ULK4: variants seen among roughly 807,000 people sequenced by gnomAD.
ULK4 encodes the protein unc-51 like kinase 4, also known as inactive serine/threonine-protein kinase ULK4.
A neutral mutation model predicts 160.6 loss-of-function variants in ULK4; 133 were observed. The observed-to-expected ratio is 0.83, with a 90% CI of 0.72 to 0.96. The LOEUF (loss-of-function observed/expected upper bound fraction) is 0.96. ULK4 is among the 40% of genes least tolerant of loss of function. The pLI, the probability that ULK4 is intolerant of heterozygous loss-of-function variation, is 0.00. For missense variants in ULK4, 1,580 were observed against 1,499.5 expected, an observed-to-expected ratio of 1.05 and a Z score of -0.89; for synonymous variants, 534 against 539.8, an observed-to-expected ratio of 0.99 and a Z score of 0.15.
At chr3:41,942,821 A>C (rs1297947335) in intron 2 of ULK4, among the ~76,000 whole-genome samples, 1 of 135,558 alleles carries the variant, frequency 7.4e-6, no homozygotes, top group Non-Finnish European at 1.6e-5. Context: ...CATCTCAAAA[A>C]ATAAATTAAT....
chr3:41,926,866 G>A (rs1423745908), intron 5 of ULK4, among the ~76,000 whole-genome samples: 2 of 152,152 alleles, frequency 1.3e-5, no homozygotes, highest in African/African-American at 2.4e-5. Context: ...CCAAATCTAC[G>A]TTTGATTGAT....
chr3:41,629,127 C>T (rs2033647525), intron 30 of ULK4, among the ~76,000 whole-genome samples: 1 of 152,136 alleles, frequency 6.6e-6, no homozygotes. Flanking sequence ...AAGCAATAAC[C>T]ATTTTATGAA....
At position 41,691,865 on chromosome 3, in the gene ULK4, A is replaced by G. The variant is rs1420278247; in HGVS notation, c.2782-10061T>C. On this transcript the variant is annotated intron_variant, in intron 27 of 36. Coordinates refer to ENST00000301831, the MANE Select transcript of ULK4 (RefSeq NM_017886.4). The stretch of plus-strand genomic sequence containing the variant: ...CTTTAATGACAACCCAACACCAAAC[A>G]GCAACAATGCAGCAAGACAATAAAG... Among the ~76,000 whole-genome samples, 8 of 150,840 alleles carry G rather than the reference A, an allele frequency of 5.3e-5. 1 individual carries two copies. The highest frequency in any genetic ancestry group is 5.3e-4 in the Admixed American group (8 of 15,112).
rs1351013259 is a variant in ULK4, at chr3:41,249,444, G to A, written c.3764+45C>T. On this transcript the variant is annotated intron_variant, in intron 36 of 36. Coordinates refer to ENST00000301831, the MANE Select transcript of ULK4 (RefSeq NM_017886.4). ...TGGAGAAAGGAATGGCTGAGAGTGT[G>A]TGCTGATCTAGAGCAGACTGCTGAT... 3.2e-6 allele frequency: 5 copies of A among 1,561,240 alleles called. No homozygotes were observed. In the South Asian group the frequency reaches 3.5e-5, roughly 11 times the overall value.
chr3:41,332,169 T>C (rs67278599), intron 35 of ULK4, among the ~76,000 whole-genome samples: 36,667 of 151,106 alleles, frequency 0.24, 4,658 homozygotes, highest in African/African-American at 0.3. Flanking sequence ...CAGGATAGGG[T>C]TGATTGCTCT....
In ULK4 at chr3:41,943,629, T is replaced by C. The variant is rs148735234; in HGVS notation, c.139-5432A>G. 9.0e-4 allele frequency among the ~76,000 whole-genome samples: 137 copies of C among 152,294 alleles called. 1 individual carries two copies. Among genetic ancestry groups the C allele is most frequent in the African/African-American group, 3.1e-3 (130 of 41,564 alleles). ...CTCTTTCCTCTCCTCTCCTACCTCC[T>C]AACTGATGACTTTGCTTATTTCAGG... is the stretch of plus-strand genomic sequence containing the variant. On this transcript the variant is annotated intron_variant, in intron 2 of 36. Coordinates refer to ENST00000301831, the MANE Select transcript of ULK4 (RefSeq NM_017886.4).
At chr3:41,604,017 T>C (rs1407191213) in intron 31 of ULK4, among the ~76,000 whole-genome samples, 1 of 152,104 alleles carries the variant, frequency 6.6e-6, no homozygotes, top group Non-Finnish European at 1.5e-5. Context: ...AACAGCCATT[T>C]ATTCCCATGG....
At chr3:41,641,062 A>C (rs897922422) in intron 30 of ULK4, among the ~76,000 whole-genome samples, 5 of 152,162 alleles carry the variant, frequency 3.3e-5, no homozygotes, top group African/African-American at 1.2e-4. Context: ...ATTGAGTTTG[A>C]TTGAGTTTGA....
At chr3:41,891,766 A>G (rs1697976014) in intron 16 of ULK4, among the ~76,000 whole-genome samples, 1 of 152,156 alleles carries the variant, frequency 6.6e-6, no homozygotes. Flanking sequence ...TTAGCCGGGC[A>G]TGATGGCAGG....
chr3:41,900,585 A>G, intron 13 of ULK4, 140 bp downstream of exon 13: 1 of 670,742 alleles, frequency 1.5e-6, no homozygotes, highest in South Asian at 2.2e-5. Context: ...GCAAATGCAG[A>G]CATGCAGCAC....
chr3:41,579,793 G>A (rs1325008966), intron 31 of ULK4, among the ~76,000 whole-genome samples: 1 of 152,100 alleles, frequency 6.6e-6, no homozygotes, highest in Non-Finnish European at 1.5e-5. Context: ...CGCCCGGCCT[G>A]GAACTAATAT....
chr3:41,661,581 G>C (rs1333620820), intron 30 of ULK4, among the ~76,000 whole-genome samples: 1 of 152,072 alleles, frequency 6.6e-6, no homozygotes, highest in Non-Finnish European at 1.5e-5. Context: ...AATTTAAGTA[G>C]CCAGAAGAAA....
chr3:41,321,583 C>A (rs72863494), intron 35 of ULK4, among the ~76,000 whole-genome samples: 26,867 of 151,950 alleles, frequency 0.18, 3,036 homozygotes, highest in African/African-American at 0.32. Flanking sequence ...TCTCTAAAAC[C>A]ATAACTGTTC....
At chr3:41,845,108 G>A (rs1291533803) in intron 17 of ULK4, among the ~76,000 whole-genome samples, 1 of 152,046 alleles carries the variant, frequency 6.6e-6, no homozygotes, top group Non-Finnish European at 1.5e-5. Flanking sequence ...TGGGACTACA[G>A]GCACCCACCA....
chr3:41,302,055 T>C (rs907890222), intron 35 of ULK4, among the ~76,000 whole-genome samples: 1 of 152,204 alleles, frequency 6.6e-6, no homozygotes, highest in African/African-American at 2.4e-5. Flanking sequence ...TCCTACGCTC[T>C]CAGGAAAAAC....
At chr3:41,765,463 G>A (rs924228202) in intron 21 of ULK4, among the ~76,000 whole-genome samples, 1 of 151,612 alleles carries the variant, frequency 6.6e-6, no homozygotes, top group South Asian at 2.1e-4. Context: ...TGTAAATGAC[G>A]AGTTAATGGG....
At chr3:41,643,950 A>C (rs1347225298) in intron 30 of ULK4, among the ~76,000 whole-genome samples, 1 of 151,994 alleles carries the variant, frequency 6.6e-6, no homozygotes, top group African/African-American at 2.4e-5. Flanking sequence ...TTCTCTTTGA[A>C]GCAATTGTGA....
intron 31 of ULK4, among the ~76,000 whole-genome samples, chr3:41,591,584 G>A (rs1054798308): frequency 1.3e-5 from 2 of 152,090 alleles, no homozygotes; most frequent in African/African-American, 4.8e-5. Flanking sequence ...GTCCTGGGCC[G>A]CAGGTTAGAC....
intron 32 of ULK4, among the ~76,000 whole-genome samples, chr3:41,558,039 T>TCTC (rs2087368644): frequency 6.6e-6 from 1 of 152,118 alleles, no homozygotes; most frequent in Non-Finnish European, 1.5e-5. Context: ...GCACATTACT[T>TCTC]AGAGCAGCTT....
Sources: allele counts gnomAD v4.1 joint callset (sites outside exome capture counted in the v4.1 genomes callset), GRCh38; gene constraint gnomAD v4.1.1; transcripts MANE v1.5; gene names NCBI Gene and HGNC (gene_info 2026-07-23, HGNC 2026-07-21).